The following P3H2 variants were observed in gnomAD, a reference collection of about 807,000 sequenced individuals.
The protein encoded by P3H2 is leprecan-like 1.
P3H2 carries 80 observed loss-of-function variants against 87.0 expected under a neutral mutation model. That is an observed-to-expected ratio of 0.92 (90% CI 0.77 to 1.11). The LOEUF is 1.11. Ranked by LOEUF, P3H2 falls within the 50% of genes least tolerant of loss-of-function variation. The pLI, the probability that P3H2 is intolerant of heterozygous loss-of-function variation, is 0.00. For missense variants in P3H2, 1,001 were observed against 923.9 expected (o/e 1.08, Z -1.08); for synonymous variants, 367 against 359.3 (o/e 1.02, Z -0.24).
At chr3:190,060,267 C>T (rs1476214834) in intron 1 of P3H2, among the ~76,000 whole-genome samples, 5 of 152,050 alleles carry the variant, frequency 3.3e-5, no homozygotes, top group Admixed American at 6.6e-5. Flanking sequence ...CCACTATTAA[C>T]GAAGTATTTG....
rs369421444 is a variant in P3H2, at chr3:189,969,667, G to A, written c.1893+1149C>T. ...AGTTGACCTTGGAAGCCAGGATGGT[G>A]TGCTGCCTCCCATGCCTTGCAAGGA... On this transcript the variant is annotated intron_variant, in intron 13 of 14. Coordinates refer to ENST00000319332, the MANE Select transcript of P3H2 (RefSeq NM_018192.4). 1,954 of 1,231,298 alleles carry A rather than the reference G, an allele frequency of 1.6e-3. 33 individuals carry two copies. The South Asian group carries it at 0.022, about 14-fold the overall frequency. The allele number at this position is 1,231,298 out of a possible 1,614,324, so 76.3% of individuals were successfully genotyped here.
At chr3:190,062,020 C>T (rs1159244174) in intron 1 of P3H2, among the ~76,000 whole-genome samples, 1 of 152,028 alleles carries the variant, frequency 6.6e-6, no homozygotes, top group Non-Finnish European at 1.5e-5. Context: ...CCTCGAGGTC[C>T]TCCATGATAT....
At chr3:190,007,965 C>CACAT in intron 1 of P3H2, among the ~76,000 whole-genome samples, 6 of 94,358 alleles carry the variant, frequency 6.4e-5, no homozygotes, top group Middle Eastern at 4.6e-3. Context: ...TGTTGACACA[C>CACAT]ATATATATAT....
intron 1 of P3H2, 107 bp from the exon 2 acceptor site, chr3:189,995,549 A>T: frequency 8.2e-6 from 8 of 975,978 alleles, no homozygotes; most frequent in East Asian, 3.2e-5. Context: ...TGAAACTAGG[A>T]GCCTTGGTTT....
At chr3:190,066,986 A>G (rs551353616) in intron 1 of P3H2, among the ~76,000 whole-genome samples, 1 of 151,064 alleles carries the variant, frequency 6.6e-6, no homozygotes, top group Admixed American at 6.6e-5. Flanking sequence ...ATTCACATGT[A>G]GTTTATTCTT....
chr3:189,972,923 T>G lies in P3H2; in HGVS notation c.1650A>C (p.Ser550=). The part of the protein sequence containing the change: ...RIVESYFMLN[S]TLYFSYTHMV... The stretch of plus-strand genomic sequence containing the variant: ...TGTGTGTATAGGAAAAATACAGAGT[T>G]GAGTTCAGCATAAAATAAGATTCTA... Residue 550 remains serine, a synonymous_variant, in exon 11 of 15, where the codon TCA becomes TCC. Coordinates refer to ENST00000319332, the MANE Select transcript of P3H2 (RefSeq NM_018192.4). The G allele has an allele frequency of 6.2e-7, 1 of 1,613,982 alleles. No homozygotes were observed. Among genetic ancestry groups the G allele is most frequent in the Non-Finnish European group, 8.5e-7 (1 of 1,179,972 alleles).
intron 1 of P3H2, among the ~76,000 whole-genome samples, chr3:190,119,377 GAAGGA>G (rs2108530412): frequency 6.6e-6 from 1 of 152,288 alleles, no homozygotes; most frequent in South Asian, 2.1e-4. Flanking sequence ...GTGTCAATTT[GAAGGA>G]AAATTGGGTG....
chr3:189,964,218 C>T, intron 13 of P3H2, 120 bp from the exon 14 acceptor site: 1 of 931,642 alleles, frequency 1.1e-6, no homozygotes, highest in Non-Finnish European at 1.7e-6. Flanking sequence ...TAAAGGAATC[C>T]TGGGATTGAA....
intron 1 of P3H2, among the ~76,000 whole-genome samples, chr3:190,113,891 C>T (rs1383134642): frequency 1.3e-5 from 2 of 151,926 alleles, no homozygotes; most frequent in Non-Finnish European, 2.9e-5. Flanking sequence ...TCCTGGCTAA[C>T]ACGGTGAAAC....
At chr3:189,961,858 G>A (rs1722824986) in intron 14 of P3H2, among the ~76,000 whole-genome samples, 1 of 152,178 alleles carries the variant, frequency 6.6e-6, no homozygotes, top group Non-Finnish European at 1.5e-5. Context: ...TATTTTGAGA[G>A]AACAATACCT....
At position 189,962,161 on chromosome 3, in the gene P3H2, C is replaced by CTTTTTTTTTTTTTTTTTTTTTTTTTTTTT. The variant is rs770628547; in HGVS notation, c.2034+1796_2034+1797insAAAAAAAAAAAAAAAAAAAAAAAAAAAAA. 1.6e-4 allele frequency among the ~76,000 whole-genome samples: 14 copies of CTTTTTTTTTTTTTTTTTTTTTTTTTTTTT among 87,648 alleles called. 1 individual carries two copies. Among genetic ancestry groups the CTTTTTTTTTTTTTTTTTTTTTTTTTTTTT allele is most frequent in the East Asian group, 3.8e-4 (1 of 2,644 alleles). The allele number at this position is 87,648 out of a possible 152,430, so 57.5% of individuals were successfully genotyped here. ...GCCTTTCTTTCTTTTTCTTCTTCTT[C>CTTTTTTTTTTTTTTTTTTTTTTTTTTTTT]TTTTTTTTTTTTTTTTTTTTTTTTA... On this transcript the variant is annotated intron_variant, in intron 14 of 14. Coordinates refer to ENST00000319332, the MANE Select transcript of P3H2 (RefSeq NM_018192.4).
intron 1 of P3H2, among the ~76,000 whole-genome samples, chr3:190,070,146 G>A (rs545386076): frequency 4.6e-5 from 7 of 152,176 alleles, no homozygotes; most frequent in East Asian, 1.9e-4. Context: ...GAAGGCTAGC[G>A]GAAATAGGTC....
rs186739837 is a variant in P3H2 at position 189,970,052 on chromosome 3, G to A, written c.1893+764C>T. On this transcript the variant is annotated intron_variant, in intron 13 of 14. Coordinates refer to ENST00000319332, the MANE Select transcript of P3H2 (RefSeq NM_018192.4). ...CCAAAGGCACGGGTTTACTTAGGAA[G>A]ATGGTCGTTGAATTGAACTTTTGAT... is the stretch of plus-strand genomic sequence containing the variant. Among the ~76,000 whole-genome samples, 695 of 151,290 alleles carry A rather than the reference G, an allele frequency of 4.6e-3. 3 individuals carry two copies. Among genetic ancestry groups the A allele is most frequent in the Middle Eastern group, 0.021 (6 of 292 alleles).
chr3:189,989,183 A>C (rs1041102496), intron 3 of P3H2, 145 bp from the exon 4 acceptor site: 5 of 972,918 alleles, frequency 5.1e-6, no homozygotes, highest in Admixed American at 4.1e-5. Context: ...GGACTGCAAA[A>C]CCTTTTTACA....
chr3:189,963,756 A>C (rs1184827921), intron 14 of P3H2: 25 of 617,106 alleles, frequency 4.1e-5, no homozygotes, highest in Non-Finnish European at 7.1e-5. Flanking sequence ...ACAATTTGTT[A>C]ATAAGCTCAA....
At chr3:190,059,642 C>T (rs1339946710) in intron 1 of P3H2, among the ~76,000 whole-genome samples, 1 of 152,184 alleles carries the variant, frequency 6.6e-6, no homozygotes, top group Admixed American at 6.5e-5. Context: ...CCACCCACCC[C>T]TCCAACACTT....
At chr3:190,095,607 T>C (rs1727551742) in intron 1 of P3H2, among the ~76,000 whole-genome samples, 4 of 150,598 alleles carry the variant, frequency 2.7e-5, no homozygotes, top group Non-Finnish European at 5.9e-5. Flanking sequence ...CTTTTTTTTT[T>C]TTTTTTCCTT....
chr3:190,110,849 T>A (rs951171856), intron 1 of P3H2, among the ~76,000 whole-genome samples: 22 of 152,252 alleles, frequency 1.4e-4, no homozygotes, highest in Non-Finnish European at 2.6e-4. Flanking sequence ...TTTCTTTGTT[T>A]TGTAATCATT....
chr3:190,114,465 C>T (rs1008515314), intron 1 of P3H2, among the ~76,000 whole-genome samples: 1 of 152,106 alleles, frequency 6.6e-6, no homozygotes, highest in Non-Finnish European at 1.5e-5. Context: ...GGATTACAGG[C>T]TTGAACCACC....
Sources: gnomAD v4.1 joint callset for allele counts (sites outside exome capture counted in the v4.1 genomes callset) on GRCh38, gnomAD v4.1.1 for gene constraint, MANE v1.5 for transcripts, NCBI Gene and HGNC (gene_info 2026-07-23, HGNC 2026-07-21) for gene names.